Variants in WNT2B observed in about 807,000 individuals in gnomAD.
The protein encoded by WNT2B is protein Wnt-2b.
Under a neutral mutation model 40.5 loss-of-function variants are expected in WNT2B, and 19 were observed. The ratio of observed to expected loss-of-function variants is 0.47; its 90% CI spans 0.33 to 0.69. The LOEUF (loss-of-function observed/expected upper bound fraction) is 0.69, where lower values mean the gene tolerates loss of function less well. Among genes scored for constraint, WNT2B ranks in the 30% least tolerant of loss-of-function variants. The pLI, the probability that WNT2B is intolerant of heterozygous loss-of-function variation, is 0.02. For missense variants in WNT2B, 467 were observed against 556.4 expected (o/e 0.84, Z 1.62); for synonymous variants, 220 against 211.9 (o/e 1.04, Z -0.33).
intron 1 of WNT2B, among the ~76,000 whole-genome samples, chr1:112,512,037 C>T (rs351370): frequency 0.59 from 90,025 of 151,554 alleles, 27,294 homozygotes; most frequent in East Asian, 0.75. Flanking sequence ...ATGTGCTGGG[C>T]TGAATCATGT....
At chr1:112,502,645 C>T (rs549837680) in intron 1 of WNT2B, among the ~76,000 whole-genome samples, 217 of 152,270 alleles carry the variant, frequency 1.4e-3, no homozygotes, top group Non-Finnish European at 2.4e-3. Context: ...CCAGCCTCAC[C>T]CTCCGGCTTT....
intron 1 of WNT2B, among the ~76,000 whole-genome samples, chr1:112,481,264 A>G (rs1487809042): frequency 1.3e-5 from 2 of 152,226 alleles, no homozygotes; most frequent in African/African-American, 4.8e-5. Context: ...GTATGGTTCA[A>G]CGTATGAAAA....
intron 1 of WNT2B, among the ~76,000 whole-genome samples, chr1:112,479,900 G>A (rs1651170846): frequency 6.6e-6 from 1 of 151,730 alleles, no homozygotes; most frequent in African/African-American, 2.4e-5. Context: ...TTTTAGTAGA[G>A]ACGGGGTTTC....
chr1:112,467,972 C>G (rs1161410902), intron 1 of WNT2B, among the ~76,000 whole-genome samples: 1 of 152,192 alleles, frequency 6.6e-6, no homozygotes, highest in African/African-American at 2.4e-5. Context: ...ACCAACCACC[C>G]TTCCCAGACT....
At chr1:112,508,268 G>C (rs1206004987), upstream of WNT2B, among the ~76,000 whole-genome samples, 2 of 151,770 alleles carry the variant, frequency 1.3e-5, no homozygotes, top group South Asian at 2.1e-4. This position sits in a 1 kb window ranked among gnomAD's most constrained non-coding sequence, Gnocchi z 4.2. Flanking sequence ...AGGAGTAAGG[G>C]GCGGGGAGTC....
Position 112,516,274 on chromosome 1 carries a change from C to T in WNT2B, c.538C>T (p.Arg180Cys), listed in dbSNP as rs773225640. The T allele has an allele frequency of 2.4e-5, 38 of 1,613,958 alleles. No homozygotes were observed. Among genetic ancestry groups the T allele is most frequent in the Admixed American group, 3.3e-5 (2 of 59,994 alleles). ...CACCCGTGGCCGACACCATGACCAGCGTGGGGACTTTGACTGGGGTGGCTG... is the reference window on the plus strand; with the variant it reads ...CACCCGTGGCCGACACCATGACCAGTGTGGGGACTTTGACTGGGGTGGCTG... Reference protein sequence around the residue: ...PYTRGRHHDQRGDFDWGGCSD... With the variant: ...PYTRGRHHDQCGDFDWGGCSD... Residue 180 changes from arginine to cysteine, a missense_variant, in exon 3 of 5, where the codon CGT (arginine) becomes TGT (cysteine). By Grantham distance (180) the Arg-to-Cys change is radical. Transcript: ENST00000369684.
chr1:112,501,532 T>G (rs896906698), intron 1 of WNT2B, among the ~76,000 whole-genome samples: 1 of 152,242 alleles, frequency 6.6e-6, no homozygotes, highest in Non-Finnish European at 1.5e-5. Context: ...TTTATTTGTA[T>G]CAGCATGGAC....
At position 112,520,800 on chromosome 1, in the gene WNT2B, G is replaced by T; in HGVS notation, c.*291G>T. 1 of 422,606 alleles carries T rather than the reference G, an allele frequency of 2.4e-6. No homozygotes were observed. The highest frequency in any genetic ancestry group is 4.2e-6 in the Non-Finnish European group (1 of 236,038). 26.2% of individuals were successfully genotyped at this position (422,606 alleles called of 1,614,324 possible). ...TTAGAGTGAAATGAGTTGCACTAAAGTACGTAGTTGAGGCTCCTTTTTTCT... is the reference window on the plus strand; with the variant it reads ...TTAGAGTGAAATGAGTTGCACTAAATTACGTAGTTGAGGCTCCTTTTTTCT... On this transcript the variant is annotated 3_prime_UTR_variant, in exon 5 of 5. Transcript: ENST00000369684.
chr1:112,518,176 A>C (rs1371357879), intron 4 of WNT2B: 1 of 152,214 alleles, frequency 6.6e-6, no homozygotes. Flanking sequence ...GGATTCTTGG[A>C]GGTGCTGGAA....
chr1:112,486,635 T>C (rs1651426767), intron 1 of WNT2B, among the ~76,000 whole-genome samples: 1 of 150,118 alleles, frequency 6.7e-6, no homozygotes. Context: ...CCAGAACATA[T>C]GAAGAACTTT....
chr1:112,480,540 G>C (rs1468148612), intron 1 of WNT2B, among the ~76,000 whole-genome samples: 1 of 151,750 alleles, frequency 6.6e-6, no homozygotes, highest in Admixed American at 6.6e-5. Context: ...GCAAAAAATA[G>C]AAAGCCTGAA....
chr1:112,477,086 G>A (rs776752572), intron 1 of WNT2B, among the ~76,000 whole-genome samples: 46 of 152,224 alleles, frequency 3.0e-4, no homozygotes, highest in Non-Finnish European at 6.0e-4. Context: ...AGGAATAAGA[G>A]AACAGGAAAA....
chr1:112,500,265 T>C (rs1177348644), intron 1 of WNT2B, among the ~76,000 whole-genome samples: 1 of 152,160 alleles, frequency 6.6e-6, no homozygotes, highest in Non-Finnish European at 1.5e-5. Context: ...TAGAAGCACA[T>C]AAGAGAATTC....
At chr1:112,467,548 G>A (rs1474567497) in exon 1 of WNT2B, 1 of 780,840 alleles carries the variant, frequency 1.3e-6, no homozygotes, top group African/African-American at 1.7e-5. Flanking sequence ...ATGTTGGATG[G>A]CCTTGGAGTG....
upstream of WNT2B, among the ~76,000 whole-genome samples, chr1:112,508,395 G>A (rs563569304): frequency 1.3e-5 from 2 of 151,356 alleles, no homozygotes; most frequent in South Asian, 2.1e-4. The surrounding 1 kb of genome is among the most constrained non-coding windows in gnomAD (Gnocchi z 4.2). Flanking sequence ...GGGGTGGGGG[G>A]TGCAGTGGCT....
chr1:112,498,951 T>C (rs1246373480), intron 1 of WNT2B, among the ~76,000 whole-genome samples: 2 of 152,216 alleles, frequency 1.3e-5, no homozygotes, highest in Non-Finnish European at 2.9e-5. Flanking sequence ...CTCACGCCTG[T>C]AATTCCAGCA....
rs1277242993 is a variant in WNT2B at position 112,515,947 on chromosome 1, G to T, written c.404-193G>T. Among the ~76,000 whole-genome samples the T allele has an allele frequency of 6.6e-6, 1 of 152,158 alleles. No homozygotes were observed. Among genetic ancestry groups the T allele is most frequent in the East Asian group, 1.9e-4 (1 of 5,184 alleles). The stretch of plus-strand genomic sequence containing the variant: ...AAGAAGTGGATAGAGAGTAGTGAGG[G>T]CTGAGGGGAAGAGGTCAGATACTCT... On this transcript the variant is annotated intron_variant, in intron 2 of 4. Coordinates refer to ENST00000369684, the MANE Select transcript of WNT2B (RefSeq NM_024494.3). This position sits in a 1 kb window ranked among gnomAD's most constrained non-coding sequence, Gnocchi z 4.4.
intron 4 of WNT2B, 126 bp from the exon 5 acceptor site, chr1:112,520,154 G>A (rs1328208878): frequency 2.3e-6 from 2 of 861,562 alleles, no homozygotes; most frequent in Non-Finnish European, 3.6e-6. Context: ...TGATAGGCAT[G>A]AGTGAGCCAC....
chr1:112,519,589 T>A (rs1652746992), intron 4 of WNT2B, among the ~76,000 whole-genome samples: 1 of 152,124 alleles, frequency 6.6e-6, no homozygotes, highest in Admixed American at 6.5e-5. Context: ...ATGATCCCTA[T>A]CCTAGAGTTT....
Sources: gnomAD v4.1 joint callset for allele counts (sites outside exome capture counted in the v4.1 genomes callset) on GRCh38, gnomAD v4.1.1 for gene constraint, Gnocchi (gnomAD v3.1) non-coding constraint, MANE v1.5 for transcripts, NCBI Gene and HGNC (gene_info 2026-07-23, HGNC 2026-07-21) for gene names.